EEIG2: variants seen among roughly 807,000 people sequenced by gnomAD.
The protein encoded by EEIG2 is family with sequence similarity 102 member B.
At chr1:108,586,412 T>G in the EEIG2 span, among the ~76,000 whole-genome samples, 125 of 152,120 alleles carry the variant, frequency 8.2e-4, no homozygotes, top group African/African-American at 2.8e-3. Flanking sequence ...AACATATGTT[T>G]ACCAATTTGT....
the EEIG2 span, among the ~76,000 whole-genome samples, chr1:108,634,800 A>C: frequency 0.17 from 26,235 of 152,146 alleles, 3,094 homozygotes; most frequent in East Asian, 0.5. Context: ...CCTATTTTAG[A>C]ATGAATAGAT....
chr1:108,599,452 A>G, the EEIG2 span, among the ~76,000 whole-genome samples: 1 of 151,994 alleles, frequency 6.6e-6, no homozygotes, highest in African/African-American at 2.4e-5. Context: ...TCTCTTTCCT[A>G]TGTTAGAGGA....
At chr1:108,605,875 T>C in the EEIG2 span, among the ~76,000 whole-genome samples, 1 of 152,180 alleles carries the variant, frequency 6.6e-6, no homozygotes, top group Non-Finnish European at 1.5e-5. Flanking sequence ...CTTTCTATAT[T>C]ATATTAGTAT....
chr1:108,600,458 T>C, the EEIG2 span: 1 of 1,282,938 alleles, frequency 7.8e-7, no homozygotes, highest in Non-Finnish European at 1.1e-6. Flanking sequence ...AAATACTGGC[T>C]TTTAACACAT....
the EEIG2 span, among the ~76,000 whole-genome samples, chr1:108,603,557 C>T: frequency 6.6e-6 from 1 of 152,206 alleles, no homozygotes; most frequent in Non-Finnish European, 1.5e-5. Context: ...TCTCCTATAT[C>T]ACATCACTCT....
the EEIG2 span, chr1:108,560,122 A>AGGCGGCGGCGGCGGCGGCGGCGGCGGC: frequency 6.3e-5 from 11 of 173,552 alleles, no homozygotes; most frequent in African/African-American, 2.6e-4. Context: ...GCGGCGGCGG[A>AGGCGGCGGCGGCGGCGGCGGCGGCGGC]GGCGGCGGCG....
At chr1:108,626,872 C>G in the EEIG2 span, 1 of 152,198 alleles carries the variant, frequency 6.6e-6, no homozygotes, top group Non-Finnish European at 1.5e-5. Context: ...TCCTATACGT[C>G]GCTCAAGTCC....
the EEIG2 span, chr1:108,638,441 C>T: frequency 2.6e-5 from 4 of 152,242 alleles, no homozygotes; most frequent in South Asian, 8.3e-4. Flanking sequence ...GACTAGAACA[C>T]TTTGCAGGCT....
chr1:108,591,995 T>G, the EEIG2 span, among the ~76,000 whole-genome samples: 2 of 152,204 alleles, frequency 1.3e-5, no homozygotes, highest in African/African-American at 4.8e-5. Flanking sequence ...GAGGCCCCAT[T>G]AAGGAGGTTG....
chr1:108,616,440 C>A, the EEIG2 span: 1 of 1,538,854 alleles, frequency 6.5e-7, no homozygotes, highest in Non-Finnish European at 9.0e-7. Flanking sequence ...TAAGTTGATA[C>A]CCAATAAATG....
At chr1:108,604,836 C>G in the EEIG2 span, among the ~76,000 whole-genome samples, 2 of 138,366 alleles carry the variant, frequency 1.4e-5, no homozygotes, top group Non-Finnish European at 3.1e-5. Flanking sequence ...TGAGACAAAA[C>G]TAGGCAACAT....
the EEIG2 span, among the ~76,000 whole-genome samples, chr1:108,593,607 C>A: frequency 2.6e-4 from 39 of 152,108 alleles, no homozygotes; most frequent in Non-Finnish European, 4.7e-4. Flanking sequence ...TTGCCACATA[C>A]GCTCCTGGGC....
chr1:108,580,367 T>C, the EEIG2 span, among the ~76,000 whole-genome samples: 3 of 45,414 alleles, frequency 6.6e-5, no homozygotes, highest in Non-Finnish European at 3.6e-4. Context: ...ATTAGGCTAA[T>C]TAACCCTACA....
the EEIG2 span, chr1:108,630,983 T>C: frequency 5.2e-6 from 1 of 193,940 alleles, no homozygotes; most frequent in East Asian, 1.5e-4. Context: ...GGCTCAAAAA[T>C]AGACTAACAG....
chr1:108,623,612 G>GT, the EEIG2 span, among the ~76,000 whole-genome samples: 2 of 152,174 alleles, frequency 1.3e-5, no homozygotes, highest in African/African-American at 2.4e-5. Context: ...TTGCATGCCT[G>GT]TATCAAAATA....
the EEIG2 span, among the ~76,000 whole-genome samples, chr1:108,611,915 T>C: frequency 2.0e-5 from 3 of 146,752 alleles, no homozygotes; most frequent in Non-Finnish European, 3.0e-5. Context: ...TTAATGTATA[T>C]AGAAAAAATA....
At chr1:108,580,950 CTT>C in the EEIG2 span, among the ~76,000 whole-genome samples, 1 of 152,150 alleles carries the variant, frequency 6.6e-6, no homozygotes, top group Non-Finnish European at 1.5e-5. Context: ...CCATCTAAGA[CTT>C]TTGTAGCTAG....
the EEIG2 span, chr1:108,627,272 C>CA: frequency 1.3e-5 from 2 of 152,232 alleles, no homozygotes; most frequent in African/African-American, 4.8e-5. Flanking sequence ...GAAACCTTTG[C>CA]AGAAGGACCA....
the EEIG2 span, among the ~76,000 whole-genome samples, chr1:108,566,100 A>T: frequency 6.6e-6 from 1 of 152,182 alleles, no homozygotes; most frequent in African/African-American, 2.4e-5. Context: ...TACTTCATGT[A>T]TCTTTTCATA....
Sources: allele counts gnomAD v4.1 joint callset (sites outside exome capture counted in the v4.1 genomes callset), GRCh38; gene constraint gnomAD v4.1.1; transcripts MANE v1.5; gene names NCBI Gene and HGNC (gene_info 2026-07-23, HGNC 2026-07-21).